Variants in KIAA1549 observed in about 807,000 individuals in gnomAD.
KIAA1549 encodes the protein UPF0606 protein KIAA1549.
In KIAA1549, 70 loss-of-function variants were observed where a neutral mutation model predicts 156.4. The ratio of observed to expected loss-of-function variants is 0.45; its 90% CI spans 0.37 to 0.55. The LOEUF is 0.55. Among genes scored for constraint, KIAA1549 ranks in the 20% least tolerant of loss-of-function variants. The probability of loss-of-function intolerance (pLI) is 0.00; values close to 1 mark genes in which losing one functional copy is unlikely to be tolerated. For missense variants in KIAA1549, 2,428 were observed against 2,540.9 expected (o/e 0.96, Z 0.96); for synonymous variants, 1,103 against 1,066.4 (o/e 1.03, Z -0.67).
At chr7:138,867,242 T>C (rs1254374533) in intron 15 of KIAA1549, among the ~76,000 whole-genome samples, 1 of 152,180 alleles carries the variant, frequency 6.6e-6, no homozygotes, top group Non-Finnish European at 1.5e-5. Flanking sequence ...CCAGCCAGGC[T>C]AGCTCAGTCA....
chr7:138,910,454 G>C (rs1412005923), intron 4 of KIAA1549, among the ~76,000 whole-genome samples: 1 of 147,440 alleles, frequency 6.8e-6, no homozygotes, highest in Non-Finnish European at 1.5e-5. Flanking sequence ...CTGGAGTGCA[G>C]TGGCACGATC....
At chr7:138,856,132 C>T (rs952819133) in intron 16 of KIAA1549, among the ~76,000 whole-genome samples, 40 of 151,776 alleles carry the variant, frequency 2.6e-4, no homozygotes, top group Non-Finnish European at 2.1e-4. Flanking sequence ...CCCGGGTTCA[C>T]GCCATTCTCC....
At chr7:138,905,130 A>C (rs1425355297) in intron 6 of KIAA1549, 49 bp from the exon 7 acceptor site, 2 of 1,289,736 alleles carry the variant, frequency 1.6e-6, no homozygotes, top group Admixed American at 4.0e-5. Flanking sequence ...TGTAAAAACA[A>C]AGCCATGTTT....
intron 9 of KIAA1549, among the ~76,000 whole-genome samples, chr7:138,895,158 G>A (rs901827260): frequency 1.1e-4 from 17 of 152,236 alleles, no homozygotes; most frequent in Admixed American, 7.2e-4. Flanking sequence ...CCCTTGAGGT[G>A]CTTAAGTCCT....
In KIAA1549 at chr7:138,981,285, C is replaced by T. The variant is rs1028809932; in HGVS notation, c.-16G>A. ...CCCCCGGCATTCCCGGCCGGCGCCC[C>T]GGCCCGGCCTCGCGGCTCAGCGGCT... On this transcript the variant is annotated 5_prime_UTR_variant, in exon 1 of 20. Transcript: ENST00000422774. This position sits in a 1 kb window ranked among gnomAD's most constrained non-coding sequence, Gnocchi z 4.5. The T allele has an allele frequency of 3.1e-6, 3 of 967,260 alleles. No individual in the cohort carries two copies. Among genetic ancestry groups the T allele is most frequent in the Non-Finnish European group, 3.7e-6 (3 of 816,244 alleles). The allele number at this position is 967,260 out of a possible 1,614,324, so 59.9% of individuals were successfully genotyped here. A position where few individuals can be genotyped will look rare whatever the true frequency, so the allele number is the denominator to read the frequency against.
intron 1 of KIAA1549, among the ~76,000 whole-genome samples, chr7:138,972,986 T>G (rs1814264681): frequency 6.6e-6 from 1 of 152,124 alleles, no homozygotes; most frequent in Non-Finnish European, 1.5e-5. Context: ...CACACCTGGC[T>G]AATTTTTGTA....
At chr7:138,975,009 T>C (rs531983133) in intron 1 of KIAA1549, among the ~76,000 whole-genome samples, 4 of 152,150 alleles carry the variant, frequency 2.6e-5, no homozygotes, top group African/African-American at 7.2e-5. Flanking sequence ...CAAACCTCAA[T>C]TGTGCATGCA....
chr7:138,884,645 T>C lies in KIAA1549; in HGVS notation c.4033-3061A>G, dbSNP rs941052189. Among the ~76,000 whole-genome samples, 39 of 152,232 alleles carry C rather than the reference T, an allele frequency of 2.6e-4. 1 individual carries two copies. The highest frequency in any genetic ancestry group is 9.2e-4 in the African/African-American group (38 of 41,464). The stretch of plus-strand genomic sequence containing the variant: ...TTTTTGTTTAATTAACCCGGTATAA[T>C]GTGGCTTACTTTCTAACCTGACTCT... On this transcript the variant is annotated intron_variant, in intron 10 of 19. Transcript: ENST00000422774.
chr7:138,973,369 G>A (rs150641209), intron 1 of KIAA1549, among the ~76,000 whole-genome samples: 477 of 152,250 alleles, frequency 3.1e-3, no homozygotes, highest in African/African-American at 0.011. Context: ...CTGATCAGTT[G>A]GCCCTCATCC....
intron 16 of KIAA1549, among the ~76,000 whole-genome samples, chr7:138,855,964 A>C (rs761900598): frequency 6.6e-6 from 1 of 151,928 alleles, no homozygotes; most frequent in African/African-American, 2.4e-5. Context: ...ATCTGTGCCC[A>C]ATCTTGCCCT....
At chr7:138,935,968 G>A (rs765679359) in intron 1 of KIAA1549, among the ~76,000 whole-genome samples, 10 of 152,062 alleles carry the variant, frequency 6.6e-5, no homozygotes, top group South Asian at 2.1e-4. Context: ...TGAGAATGTT[G>A]GCAGACAATA....
At chr7:138,905,200 G>A in intron 6 of KIAA1549, 119 bp from the exon 7 acceptor site, 2 of 714,892 alleles carry the variant, frequency 2.8e-6, no homozygotes, top group Non-Finnish European at 4.9e-6. Flanking sequence ...AGAACAAAAT[G>A]TCAGATTAGC....
At chr7:138,938,403 CTTAAT>C (rs1455341828) in intron 1 of KIAA1549, among the ~76,000 whole-genome samples, 1 of 152,130 alleles carries the variant, frequency 6.6e-6, no homozygotes, top group African/African-American at 2.4e-5. Context: ...CTCATCCTTA[CTTAAT>C]TTATTTCCAT....
intron 1 of KIAA1549, among the ~76,000 whole-genome samples, chr7:138,975,979 T>C (rs1814366156): frequency 6.6e-6 from 1 of 152,164 alleles, no homozygotes; most frequent in Non-Finnish European, 1.5e-5. Context: ...GAGTGAGCAT[T>C]GAAAATGCAG....
intron 1 of KIAA1549, among the ~76,000 whole-genome samples, chr7:138,947,881 G>A (rs1250682359): frequency 1.3e-5 from 2 of 152,008 alleles, no homozygotes; most frequent in East Asian, 3.9e-4. Context: ...TCCCACCTCA[G>A]CCTCCCAGGT....
At chr7:138,937,817 C>A (rs2718135) in intron 1 of KIAA1549, among the ~76,000 whole-genome samples, 33,482 of 151,926 alleles carry the variant, frequency 0.22, 4,008 homozygotes, top group African/African-American at 0.31. Flanking sequence ...AGAGAGAAAT[C>A]TGGGCCAATG....
At chr7:138,898,350 A>C (rs1462326018) in intron 9 of KIAA1549, among the ~76,000 whole-genome samples, 1 of 151,868 alleles carries the variant, frequency 6.6e-6, no homozygotes, top group Non-Finnish European at 1.5e-5. Flanking sequence ...GGTGGAAAGG[A>C]AACTACTGAC....
chr7:138,932,214 C>T, intron 1 of KIAA1549, among the ~76,000 whole-genome samples: 1 of 152,108 alleles, frequency 6.6e-6, no homozygotes, highest in East Asian at 1.9e-4. Context: ...TTCACATGCT[C>T]GTGTAAGTTC....
chr7:138,884,912 A>C (rs567738030), intron 10 of KIAA1549, among the ~76,000 whole-genome samples: 4 of 152,280 alleles, frequency 2.6e-5, no homozygotes, highest in African/African-American at 7.2e-5. Flanking sequence ...GTTTATGTGG[A>C]GGGCCGGGCA....
Sources: gnomAD v4.1 joint callset for allele counts (sites outside exome capture counted in the v4.1 genomes callset) on GRCh38, gnomAD v4.1.1 for gene constraint, Gnocchi (gnomAD v3.1) non-coding constraint, MANE v1.5 for transcripts, NCBI Gene and HGNC (gene_info 2026-07-23, HGNC 2026-07-21) for gene names.